Variants in TBK1 observed in about 807,000 individuals in gnomAD.
TBK1 encodes the protein TANK binding kinase 1.
A neutral mutation model predicts 99.9 loss-of-function variants in TBK1; 37 were observed. That is an observed-to-expected ratio of 0.37 (90% CI 0.28 to 0.49). The LOEUF is 0.49. Ranked by LOEUF, TBK1 falls within the 20% of genes least tolerant of loss-of-function variation. The pLI is 0.98. For synonymous variants in TBK1, 258 were observed against 279.8 expected (o/e 0.92, Z 0.78); for missense variants, 644 against 872.5 (o/e 0.74, Z 3.30).
rs369498196 is a variant in TBK1 at position 64,474,211 on chromosome 12, CT to C, written c.541-9del. On this transcript the variant is annotated intron_variant, in intron 5 of 20. Coordinates refer to ENST00000331710, the MANE Select transcript of TBK1 (RefSeq NM_013254.4). ...TGGGTCACAGGTTCATGATTTTTTT[CT>C]TTTTTTTTTAATCTTAGCACCCTGA... 14,652 of 1,222,776 alleles carry C rather than the reference CT, an allele frequency of 0.012. 1 individual carries two copies. The highest frequency in any genetic ancestry group is 0.026 in the South Asian group (1,660 of 62,992). The allele number at this position is 1,222,776 out of a possible 1,614,324, so 75.7% of individuals were successfully genotyped here. A position where few individuals can be genotyped will look rare whatever the true frequency, so the allele number is the denominator to read the frequency against.
intron 13 of TBK1, among the ~76,000 whole-genome samples, chr12:64,491,500 G>A (rs981103160): frequency 6.6e-6 from 1 of 152,022 alleles, no homozygotes; most frequent in African/African-American, 2.4e-5. Context: ...GTGCATGCCT[G>A]TGGTCCCAGC....
intron 13 of TBK1, chr12:64,495,257 T>TA (rs1182283109): frequency 4.9e-6 from 2 of 407,780 alleles, no homozygotes; most frequent in Non-Finnish European, 8.7e-6. Context: ...AATGAACTGT[T>TA]TTATAAGATG....
Position 64,486,026 on chromosome 12 carries a change from T to C in TBK1, c.1340+9T>C. On this transcript the variant is annotated intron_variant, in intron 11 of 20. Coordinates refer to ENST00000331710, the MANE Select transcript of TBK1 (RefSeq NM_013254.4). The stretch of plus-strand genomic sequence containing the variant: ...GGGATACGATGGCTGATGTAAGTAA[T>C]AGATTGAAATTTTGAAATTGATTTT... 6.4e-7 allele frequency: 1 copy of C among 1,554,812 alleles called. No individual in the cohort carries two copies. The highest frequency in any genetic ancestry group is 1.4e-5 in the African/African-American group (1 of 71,778).
intron 6 of TBK1, 87 bp from the exon 7 acceptor site, chr12:64,479,925 G>A (rs923899412): frequency 6.6e-6 from 5 of 759,444 alleles, no homozygotes; most frequent in Non-Finnish European, 1.1e-5. Context: ...AATTGTAGGT[G>A]CAATTGAGGA....
intron 20 of TBK1, among the ~76,000 whole-genome samples, chr12:64,500,844 T>G (rs2040981265): frequency 6.7e-6 from 1 of 148,170 alleles, no homozygotes; most frequent in African/African-American, 2.5e-5. Context: ...CTGCAACCTC[T>G]GCCTCCCGGG....
At chr12:64,481,747 C>T (rs2040769695) in intron 7 of TBK1, 95 bp from the exon 8 acceptor site, 2 of 869,676 alleles carry the variant, frequency 2.3e-6, no homozygotes, top group Non-Finnish European at 3.2e-6. Context: ...GTAATAATGA[C>T]AGTTCCTTTG....
chr12:64,491,333 A>T (rs1189893849), intron 13 of TBK1, among the ~76,000 whole-genome samples: 1 of 151,728 alleles, frequency 6.6e-6, no homozygotes, highest in Non-Finnish European at 1.5e-5. Flanking sequence ...AAAATACTGT[A>T]CTCTTGGCTG....
chr12:64,454,053 G>A (rs1018770867), intron 1 of TBK1, among the ~76,000 whole-genome samples: 1 of 152,050 alleles, frequency 6.6e-6, no homozygotes, highest in Non-Finnish European at 1.5e-5. Flanking sequence ...GTCTTCATTA[G>A]TGTTTCTCTG....
chr12:64,478,521 A>T (rs1052447036), intron 6 of TBK1, among the ~76,000 whole-genome samples: 1 of 152,218 alleles, frequency 6.6e-6, no homozygotes, highest in African/African-American at 2.4e-5. Context: ...ACAATTATCT[A>T]ATCTCTTCTC....
In TBK1 at chr12:64,462,605, T is replaced by C. The variant is rs139559936; in HGVS notation, c.229-1729T>C. 3.8e-3 allele frequency among the ~76,000 whole-genome samples: 582 copies of C among 152,272 alleles called. 4 individuals carry two copies. The highest frequency in any genetic ancestry group is 0.013 in the African/African-American group (549 of 41,550). On this transcript the variant is annotated intron_variant, in intron 3 of 20. Transcript: ENST00000331710. Reference sequence around the variant, plus strand: ...AAGCAACAGTTTTTTTTTTCTACTATGATTATTTCTCTCTCTTTTTTGAAA... The same window carrying C: ...AAGCAACAGTTTTTTTTTTCTACTACGATTATTTCTCTCTCTTTTTTGAAA...
intron 5 of TBK1, among the ~76,000 whole-genome samples, chr12:64,468,507 A>G (rs1274663717): frequency 7.9e-5 from 12 of 151,862 alleles, no homozygotes; most frequent in Non-Finnish European, 1.5e-4. Flanking sequence ...AAAAAAAAAA[A>G]GTACCTAAAA....
At chr12:64,469,387 G>A (rs1452161586) in intron 5 of TBK1, among the ~76,000 whole-genome samples, 3 of 151,592 alleles carry the variant, frequency 2.0e-5, no homozygotes, top group Non-Finnish European at 4.4e-5. Context: ...TCCTTTCTCC[G>A]TCCTACATGA....
In TBK1 at chr12:64,495,619, T is replaced by C. The variant is rs1463906566; in HGVS notation, c.1643+15T>C. The C allele has an allele frequency of 6.2e-7, 1 of 1,612,950 alleles. No individual in the cohort carries two copies. Among genetic ancestry groups the C allele is most frequent in the East Asian group, 2.2e-5 (1 of 44,872 alleles). On this transcript the variant is annotated intron_variant, in intron 14 of 20. Transcript: ENST00000331710. ...AAAGACAGAAAGTAGGTTATAGCTT[T>C]ATGCGTAGTTTCTGCTCTTATTAAT...
intron 3 of TBK1, among the ~76,000 whole-genome samples, chr12:64,463,865 T>TG (rs199712419): frequency 0.3 from 44,624 of 150,226 alleles, 7,031 homozygotes; most frequent in East Asian, 0.56. Context: ...TAGTTTTTTT[T>TG]TTTTGTTTTT....
At chr12:64,499,395 TA>T (rs1403616938) in intron 20 of TBK1, among the ~76,000 whole-genome samples, 169 of 152,236 alleles carry the variant, frequency 1.1e-3, no homozygotes, top group African/African-American at 3.7e-3. Context: ...AGATAAAACC[TA>T]TGCATTTGGC....
intron 13 of TBK1, among the ~76,000 whole-genome samples, chr12:64,493,644 G>T (rs2040895822): frequency 6.7e-6 from 1 of 150,142 alleles, no homozygotes; most frequent in African/African-American, 2.4e-5. Flanking sequence ...AAAAAGTAAA[G>T]AAGAGTGGCT....
intron 15 of TBK1, 45 bp downstream of exon 15, chr12:64,495,820 T>C: frequency 7.2e-7 from 1 of 1,395,870 alleles, no homozygotes; most frequent in Non-Finnish European, 9.7e-7. Context: ...TCCCTCTTAG[T>C]AATTAGTTAT....
At chr12:64,455,707 A>G in intron 1 of TBK1, 133 bp from the exon 2 acceptor site, 2 of 576,178 alleles carry the variant, frequency 3.5e-6, no homozygotes, top group East Asian at 2.9e-5. Context: ...AGATATTTAT[A>G]TTGAACTGTT....
At chr12:64,475,459 C>T (rs2040702647) in intron 6 of TBK1, among the ~76,000 whole-genome samples, 3 of 152,096 alleles carry the variant, frequency 2.0e-5, no homozygotes, top group Admixed American at 6.5e-5. Flanking sequence ...TCTGTTGTTT[C>T]CATCTTTGTG....
Sources: gnomAD v4.1 joint callset for allele counts (sites outside exome capture counted in the v4.1 genomes callset) on GRCh38, gnomAD v4.1.1 for gene constraint, MANE v1.5 for transcripts, NCBI Gene and HGNC (gene_info 2026-07-23, HGNC 2026-07-21) for gene names.